Variants in ZNF276 observed in about 807,000 individuals in gnomAD.
ZNF276 encodes centromere protein Z.
A neutral mutation model predicts 63.9 loss-of-function variants in ZNF276; 59 were observed. The ratio of observed to expected loss-of-function variants is 0.92; its 90% CI spans 0.75 to 1.15. ZNF276 has a LOEUF of 1.15. Among genes scored for constraint, ZNF276 ranks in the 50% most tolerant of loss-of-function variants. ZNF276 has a pLI of 0.00. For missense variants in ZNF276, 1,084 were observed against 843.8 expected (o/e 1.28, Z -3.53); for synonymous variants, 496 against 348.4 (o/e 1.42, Z -4.72).
At chr16:89,722,947 C>T (rs1307703180) in intron 2 of ZNF276, 113 bp downstream of exon 2, 2 of 1,555,882 alleles carry the variant, frequency 1.3e-6, no homozygotes, top group Non-Finnish European at 1.7e-6. Flanking sequence ...GGGGAATGGG[C>T]CATGCCCGGG....
Position 89,740,644 on chromosome 16 carries a change from A to G in ZNF276, c.*2398A>G. ...GAGTGAGACCCCCATCTCAAAAAAA[A>G]AAAAAAAAAACCCACGGCCTGGGAG... On this transcript the variant is annotated 3_prime_UTR_variant, in exon 11 of 11. Coordinates refer to ENST00000443381, the MANE Select transcript of ZNF276 (RefSeq NM_001113525.2). The G allele has an allele frequency of 1.5e-6, 1 of 647,392 alleles. No individual in the cohort carries two copies. Among genetic ancestry groups the G allele is most frequent in the South Asian group, 1.8e-5 (1 of 56,092 alleles). 40.1% of individuals were successfully genotyped at this position (647,392 alleles called of 1,614,324 possible). A position where few individuals can be genotyped will look rare whatever the true frequency, so the allele number is the denominator to read the frequency against.
intron 6 of ZNF276, chr16:89,731,419 AATTTTTGT>A (rs1276782524): frequency 6.6e-6 from 1 of 152,096 alleles, no homozygotes; most frequent in African/African-American, 2.4e-5. Flanking sequence ...ATACCTGGCT[AATTTTTGT>A]ATTTTTAGTA....
chr16:89,737,748 G>A (rs976046168), intron 9 of ZNF276, 58 bp from the exon 10 acceptor site: 14 of 1,606,710 alleles, frequency 8.7e-6, no homozygotes, highest in South Asian at 2.2e-5. Context: ...TGTCATCGTC[G>A]TCCCCCCGGG....
intron 9 of ZNF276, among the ~76,000 whole-genome samples, chr16:89,735,508 TC>T (rs1309451312): frequency 8.8e-6 from 1 of 113,204 alleles, no homozygotes; most frequent in African/African-American, 4.8e-5. Context: ...TGGCAGCACT[TC>T]CTTGGGTTTG....
chr16:89,720,705 C>CG, upstream of ZNF276: 2 of 1,338,328 alleles, frequency 1.5e-6, no homozygotes, highest in Non-Finnish European at 1.9e-6. Flanking sequence ...CCTCCCCGGG[C>CG]GGGGGTCCCT....
Position 89,739,626 on chromosome 16 carries a change from G to GGGTCGGGACGTGTACCCTGGGA in ZNF276, c.*1383_*1404dup, listed in dbSNP as rs1432410521. 1.3e-6 allele frequency: 2 copies of GGGTCGGGACGTGTACCCTGGGA among 1,523,320 alleles called. No homozygotes were observed. The highest frequency in any genetic ancestry group is 1.8e-6 in the Non-Finnish European group (2 of 1,122,566). 94.4% of individuals were successfully genotyped at this position (1,523,320 alleles called of 1,614,324 possible). On this transcript the variant is annotated 3_prime_UTR_variant, in exon 11 of 11. Coordinates refer to ENST00000443381, the MANE Select transcript of ZNF276 (RefSeq NM_001113525.2). ...TTATCAGTGCTGGGGACACCCCTGGGGGTCGGGACGTGTACCCTGGGAGGC... is the reference window on the plus strand; with the variant it reads ...TTATCAGTGCTGGGGACACCCCTGGGGGTCGGGACGTGTACCCTGGGAGGTCGGGACGTGTACCCTGGGAGGC...
rs772122405 is a variant in ZNF276 at position 89,738,901 on chromosome 16, C to T, written c.*655C>T. On this transcript the variant is annotated 3_prime_UTR_variant, in exon 11 of 11. Coordinates refer to ENST00000443381, the MANE Select transcript of ZNF276 (RefSeq NM_001113525.2). ...CGTTACCTCTGCCACGTGTGAGAAG[C>T]TCTTTTTCGGGCACCGAGGTATTAA... 20 of 1,614,154 alleles carry T rather than the reference C, an allele frequency of 1.2e-5. No individual in the cohort carries two copies. The highest frequency in any genetic ancestry group is 1.4e-5 in the Non-Finnish European group (17 of 1,180,064).
At chr16:89,726,589 C>G (rs540264556) in intron 4 of ZNF276, among the ~76,000 whole-genome samples, 2 of 152,260 alleles carry the variant, frequency 1.3e-5, no homozygotes, top group East Asian at 3.9e-4. Context: ...CGTCAGCCTC[C>G]CAAAGTGCTG....
chr16:89,737,765 G>C, intron 9 of ZNF276, 41 bp from the exon 10 acceptor site: 1 of 1,611,642 alleles, frequency 6.2e-7, no homozygotes, highest in Non-Finnish European at 8.5e-7. Context: ...CGGGAGGTTG[G>C]AGCATCAGGG....
At position 89,740,180 on chromosome 16, in the gene ZNF276, A is replaced by T; in HGVS notation, c.*1934A>T. The T allele has an allele frequency of 9.2e-7, 1 of 1,084,878 alleles. No homozygotes were observed. The highest frequency in any genetic ancestry group is 1.4e-6 in the Non-Finnish European group (1 of 698,652). 67.2% of individuals were successfully genotyped at this position (1,084,878 alleles called of 1,614,324 possible). On this transcript the variant is annotated 3_prime_UTR_variant, in exon 11 of 11. Transcript: ENST00000443381. The stretch of plus-strand genomic sequence containing the variant: ...AGGAGGGTACAGCCCTCAGCACAGA[A>T]GAGGGCATTTCCTCTTTGCTTATTG...
At chr16:89,723,087 G>T (rs1414759215) in intron 2 of ZNF276, 50 bp from the exon 3 acceptor site, 1 of 1,612,620 alleles carries the variant, frequency 6.2e-7, no homozygotes, top group Non-Finnish European at 8.5e-7. Flanking sequence ...GACGAGCGCT[G>T]TGAACCTCCG....
In ZNF276 at chr16:89,721,601, G is replaced by T; in HGVS notation, c.-40G>T. ...CCGGGTCCTCTAGGAACCTCGGGCC[G>T]GGCAGCACCCGCGGGATTCTGCTGG... is the stretch of plus-strand genomic sequence containing the variant. On this transcript the variant is annotated 5_prime_UTR_variant, in exon 1 of 11. Coordinates refer to ENST00000443381, the MANE Select transcript of ZNF276 (RefSeq NM_001113525.2). The T allele has an allele frequency of 6.8e-7, 1 of 1,466,306 alleles. No homozygotes were observed. The highest frequency in any genetic ancestry group is 1.3e-5 in the South Asian group (1 of 78,198). 90.8% of individuals were successfully genotyped at this position (1,466,306 alleles called of 1,614,324 possible).
chr16:89,739,979 C>G lies in ZNF276; in HGVS notation c.*1733C>G, dbSNP rs1161659545. Reference sequence around the variant, plus strand: ...GCGGCCCTCCGCATTTGTGCCTCAGCAGCGTGTTTCTTACCACTCTCTGTC... The same window carrying G: ...GCGGCCCTCCGCATTTGTGCCTCAGGAGCGTGTTTCTTACCACTCTCTGTC... On this transcript the variant is annotated 3_prime_UTR_variant, in exon 11 of 11. Transcript: ENST00000443381. The G allele has an allele frequency of 1.2e-6, 2 of 1,613,590 alleles. No individual in the cohort carries two copies. The highest frequency in any genetic ancestry group is 1.7e-5 in the Admixed American group (1 of 60,012).
rs773327440 is a variant in ZNF276 at position 89,739,304 on chromosome 16, A to G, written c.*1058A>G. On this transcript the variant is annotated 3_prime_UTR_variant, in exon 11 of 11. Coordinates refer to ENST00000443381, the MANE Select transcript of ZNF276 (RefSeq NM_001113525.2). ...AGGAGAGAAGACTAGAGGTAAAGACATAGTGACAAATGGCTACAGACTGCT... is the reference window on the plus strand; with the variant it reads ...AGGAGAGAAGACTAGAGGTAAAGACGTAGTGACAAATGGCTACAGACTGCT... The G allele has an allele frequency of 7.4e-6, 12 of 1,613,988 alleles. No homozygotes were observed. In the African/African-American group the frequency reaches 8.0e-5, roughly 11 times the overall value.
chr16:89,739,400 C>T lies in ZNF276; in HGVS notation c.*1154C>T. 1.9e-6 allele frequency: 3 copies of T among 1,568,312 alleles called. No individual in the cohort carries two copies. Among genetic ancestry groups the T allele is most frequent in the Non-Finnish European group, 1.7e-6 (2 of 1,153,576 alleles). ...CAGAGGCACAGACAACCCTTCCCAT[C>T]TGGCGGGACCCAGAGGTGCTGAGAT... On this transcript the variant is annotated 3_prime_UTR_variant, in exon 11 of 11. Transcript: ENST00000443381.
In ZNF276 at chr16:89,721,600, C is replaced by T. The variant is rs1361567955; in HGVS notation, c.-41C>T. The T allele has an allele frequency of 2.7e-6, 4 of 1,467,904 alleles. No homozygotes were observed. Among genetic ancestry groups the T allele is most frequent in the Non-Finnish European group, 3.6e-6 (4 of 1,114,408 alleles). 90.9% of individuals were successfully genotyped at this position (1,467,904 alleles called of 1,614,324 possible). On this transcript the variant is annotated 5_prime_UTR_variant, in exon 1 of 11. Transcript: ENST00000443381. ...GCCGGGTCCTCTAGGAACCTCGGGC[C>T]GGGCAGCACCCGCGGGATTCTGCTG...
chr16:89,725,182 G>C (rs369887713), intron 4 of ZNF276, among the ~76,000 whole-genome samples: 1 of 149,302 alleles, frequency 6.7e-6, no homozygotes, highest in South Asian at 2.2e-4. Flanking sequence ...CGAGTAGCTG[G>C]GATGACGGGC....
intron 6 of ZNF276, among the ~76,000 whole-genome samples, chr16:89,729,614 G>C (rs2061581981): frequency 6.6e-6 from 1 of 152,168 alleles, no homozygotes; most frequent in South Asian, 2.1e-4. Context: ...ACCCCGCCTT[G>C]CTTGAGAAGG....
chr16:89,721,372 C>T (rs991162056), upstream of ZNF276: 3 of 356,378 alleles, frequency 8.4e-6, no homozygotes, highest in African/African-American at 2.1e-5. Flanking sequence ...CAGGCCAGCG[C>T]TCCATTGGCG....
Sources: allele counts gnomAD v4.1 joint callset (sites outside exome capture counted in the v4.1 genomes callset), GRCh38; gene constraint gnomAD v4.1.1; transcripts MANE v1.5; gene names NCBI Gene and HGNC (gene_info 2026-07-23, HGNC 2026-07-21).